The following PDE11A variants were observed in gnomAD, a reference collection of about 807,000 sequenced individuals.
PDE11A encodes dual 3',5'-cyclic-AMP and -GMP phosphodiesterase 11A.
PDE11A carries 100 observed loss-of-function variants against 100.5 expected under a neutral mutation model. The observed-to-expected ratio is 1.00, with a 90% CI of 0.85 to 1.18. The LOEUF (loss-of-function observed/expected upper bound fraction) is 1.18, where lower values mean the gene tolerates loss of function less well. PDE11A is among the 50% of genes most tolerant of loss of function. The probability of loss-of-function intolerance (pLI) is 0.00; values close to 1 mark genes in which losing one functional copy is unlikely to be tolerated. For synonymous variants in PDE11A, 381 were observed against 420.8 expected (o/e 0.91, Z 1.16); for missense variants, 1,141 against 1,152.6 (o/e 0.99, Z 0.15).
chr2:177,790,961 T>C (rs543562243), intron 9 of PDE11A, among the ~76,000 whole-genome samples: 42 of 152,308 alleles, frequency 2.8e-4, no homozygotes, highest in Non-Finnish European at 4.4e-4. Flanking sequence ...AGTTCAACCA[T>C]TGTGGAAGTC....
At chr2:177,836,845 T>A (rs2083409203) in intron 6 of PDE11A, among the ~76,000 whole-genome samples, 1 of 152,056 alleles carries the variant, frequency 6.6e-6, no homozygotes, top group African/African-American at 2.4e-5. Flanking sequence ...GCAGCTTCAC[T>A]CCTGAAGCCA....
intron 2 of PDE11A, among the ~76,000 whole-genome samples, chr2:177,990,584 A>G (rs996742919): frequency 1.7e-4 from 26 of 152,166 alleles, no homozygotes; most frequent in African/African-American, 5.5e-4. Context: ...CTAAAAATAC[A>G]AAAATTAGCT....
chr2:177,632,638 C>T (rs2365619), intron 19 of PDE11A, among the ~76,000 whole-genome samples: 105,671 of 152,024 alleles, frequency 0.7, 39,863 homozygotes, highest in East Asian at 0.87. Context: ...CTTGTACTCT[C>T]TGACTTCTTC....
chr2:178,040,012 G>GA (rs2086664448), intron 1 of PDE11A, among the ~76,000 whole-genome samples: 1 of 150,448 alleles, frequency 6.6e-6, no homozygotes, highest in South Asian at 2.1e-4. Context: ...GTGACAAGAG[G>GA]AAGGATAATA....
At chr2:177,817,028 G>A (rs2083050972) in intron 8 of PDE11A, 107 bp from the exon 9 acceptor site, 1 of 740,576 alleles carries the variant, frequency 1.4e-6, no homozygotes, top group Non-Finnish European at 2.5e-6. Flanking sequence ...CAATCTTGTT[G>A]TACACAGAGG....
At chr2:178,035,546 T>C (rs2086602447) in intron 1 of PDE11A, among the ~76,000 whole-genome samples, 1 of 152,162 alleles carries the variant, frequency 6.6e-6, no homozygotes, top group African/African-American at 2.4e-5. Context: ...ATCATCCTGA[T>C]ACCAAAACCT....
At chr2:177,981,432 C>T (rs1176502099) in intron 2 of PDE11A, among the ~76,000 whole-genome samples, 1 of 150,538 alleles carries the variant, frequency 6.6e-6, no homozygotes, top group East Asian at 1.9e-4. Flanking sequence ...TCTGGTATCC[C>T]CAGGCATTTT....
chr2:178,105,600 TAAAA>T, intron 1 of PDE11A: 1 of 394,550 alleles, frequency 2.5e-6, no homozygotes. Context: ...ATGTAAAAAT[TAAAA>T]TAAGTTCAAA....
intron 5 of PDE11A, among the ~76,000 whole-genome samples, chr2:177,861,378 A>G (rs2083943377): frequency 6.6e-6 from 1 of 151,852 alleles, no homozygotes. Flanking sequence ...AATAAGTGTA[A>G]GTCTTTTACA....
intron 4 of PDE11A, among the ~76,000 whole-genome samples, 197 bp from the exon 5 acceptor site, chr2:177,876,120 T>C (rs1317793723): frequency 1.3e-5 from 2 of 152,250 alleles, no homozygotes; most frequent in African/African-American, 4.8e-5. Context: ...TTACAAAGCA[T>C]ACATTGTCAA....
At chr2:177,926,916 T>C (rs2085132503) in intron 2 of PDE11A, 1 of 152,190 alleles carries the variant, frequency 6.6e-6, no homozygotes, top group African/African-American at 2.4e-5. Flanking sequence ...GAGAAAAATC[T>C]CTTCACTGGT....
intron 1 of PDE11A, among the ~76,000 whole-genome samples, chr2:178,063,551 C>G (rs2087000163): frequency 6.6e-6 from 1 of 152,144 alleles, no homozygotes; most frequent in East Asian, 1.9e-4. Flanking sequence ...GAAGGATGAA[C>G]TAGACAGGGT....
At chr2:177,846,945 C>T (rs1407678358) in intron 5 of PDE11A, among the ~76,000 whole-genome samples, 1 of 152,134 alleles carries the variant, frequency 6.6e-6, no homozygotes, top group Non-Finnish European at 1.5e-5. Flanking sequence ...ATCCTTGGTT[C>T]CAAGTTCCAT....
chr2:177,680,791 A>G (rs377192956), intron 16 of PDE11A, 35 bp downstream of exon 16: 2 of 1,178,340 alleles, frequency 1.7e-6, no homozygotes, highest in Non-Finnish European at 2.5e-6. Flanking sequence ...ATGTCCAAAT[A>G]ATGAAGAAAC....
chr2:177,701,661 AAAC>A (rs2081199666), intron 13 of PDE11A, among the ~76,000 whole-genome samples: 1 of 152,364 alleles, frequency 6.6e-6, no homozygotes, highest in Non-Finnish European at 1.5e-5. Context: ...TTCATGAACT[AAAC>A]CTTCTGTGAC....
intron 1 of PDE11A, among the ~76,000 whole-genome samples, chr2:178,053,880 A>G (rs868546098): frequency 1.1e-4 from 16 of 152,184 alleles, no homozygotes; most frequent in African/African-American, 3.6e-4. Flanking sequence ...ACAAGTGGAA[A>G]AAAATTCCAT....
chr2:177,806,027 A>G (rs2082864051), intron 9 of PDE11A, among the ~76,000 whole-genome samples: 2 of 152,242 alleles, frequency 1.3e-5, no homozygotes, highest in South Asian at 4.1e-4. Flanking sequence ...CTGCCATCAT[A>G]GAGCAACTCC....
chr2:177,985,147 G>A (rs374237924), intron 2 of PDE11A, among the ~76,000 whole-genome samples: 3 of 152,294 alleles, frequency 2.0e-5, no homozygotes, highest in East Asian at 3.9e-4. Context: ...GATTTTTCCA[G>A]TAATGGTCTT....
intron 5 of PDE11A, among the ~76,000 whole-genome samples, chr2:177,841,882 ACAAAT>A (rs3066393): frequency 0.1 from 15,846 of 152,250 alleles, 1,043 homozygotes; most frequent in African/African-American, 0.19. Flanking sequence ...ATTTTCTAAA[ACAAAT>A]CAAAACAAAA....
Sources: allele counts gnomAD v4.1 joint callset (sites outside exome capture counted in the v4.1 genomes callset), GRCh38; gene constraint gnomAD v4.1.1; transcripts MANE v1.5; gene names NCBI Gene and HGNC (gene_info 2026-07-23, HGNC 2026-07-21).